The following GARRE1 variants were observed in gnomAD, a reference collection of about 807,000 sequenced individuals.
GARRE1 encodes the protein granule associated Rac and RHOG effector protein 1.
GARRE1 carries 49 observed loss-of-function variants against 103.2 expected under a neutral mutation model. The observed-to-expected ratio is 0.47, with a 90% CI of 0.38 to 0.60. The LOEUF (loss-of-function observed/expected upper bound fraction) is 0.60. GARRE1 is among the 20% of genes least tolerant of loss of function. GARRE1 has a pLI of 0.00. For missense variants in GARRE1, 1,199 were observed against 1,370.5 expected, an observed-to-expected ratio of 0.87 and a Z score of 1.98; for synonymous variants, 505 against 532.8, an observed-to-expected ratio of 0.95 and a Z score of 0.72.
At position 34,342,014 on chromosome 19, in the gene GARRE1, C is replaced by T. The variant is rs1599781258; in HGVS notation, c.2080C>T (p.Leu694=). ...AGCCATGCAACCACAGCAGCCGTCACTGCCTGTGCCCCCTCCACCACGGGC... is the reference window on the plus strand; with the variant it reads ...AGCCATGCAACCACAGCAGCCGTCATTGCCTGTGCCCCCTCCACCACGGGC... ...AGAMQPQQPS[L]PVPPPPRAPQ... Residue 694 remains leucine (L), a synonymous_variant, in exon 10 of 14, where the codon CTG becomes TTG. Transcript: ENST00000299505. 17 of 1,614,140 alleles carry T rather than the reference C, an allele frequency of 1.1e-5. No individual in the cohort carries two copies. The highest frequency in any genetic ancestry group is 1.4e-5 in the Non-Finnish European group (17 of 1,180,024).
At chr19:34,272,352 C>A (rs985875539) in intron 1 of GARRE1, among the ~76,000 whole-genome samples, 1 of 152,186 alleles carries the variant, frequency 6.6e-6, no homozygotes, top group South Asian at 2.1e-4. Flanking sequence ...GCGCCCACCA[C>A]CATGCCCGGC....
At chr19:34,277,865 A>G (rs1412498851) in intron 1 of GARRE1, among the ~76,000 whole-genome samples, 2 of 151,040 alleles carry the variant, frequency 1.3e-5, no homozygotes, top group African/African-American at 4.9e-5. Context: ...AAAAAAAACT[A>G]TATAAACAGG....
chr19:34,279,874 A>G (rs2073840692), intron 1 of GARRE1, among the ~76,000 whole-genome samples: 1 of 149,282 alleles, frequency 6.7e-6, no homozygotes, highest in South Asian at 2.1e-4. Flanking sequence ...AGTCCCAGCT[A>G]CTTGGGAGGC....
At chr19:34,343,738 T>C (rs1397131246) in intron 10 of GARRE1, among the ~76,000 whole-genome samples, 3 of 152,082 alleles carry the variant, frequency 2.0e-5, no homozygotes, top group Non-Finnish European at 2.9e-5. Context: ...TCCCAGCTCC[T>C]TGGGAGGCTG....
intron 2 of GARRE1, among the ~76,000 whole-genome samples, chr19:34,302,080 T>A (rs1445147141): frequency 7.6e-6 from 1 of 132,006 alleles, no homozygotes; most frequent in African/African-American, 2.8e-5. Context: ...AACCTCCACC[T>A]CCCGAGTTCA....
At chr19:34,266,453 C>T (rs757480269) in intron 1 of GARRE1, among the ~76,000 whole-genome samples, 62 of 152,320 alleles carry the variant, frequency 4.1e-4, no homozygotes, top group Non-Finnish European at 7.8e-4. Flanking sequence ...CCTCTATCTC[C>T]GGGGTTCAAG....
intron 1 of GARRE1, chr19:34,296,621 C>T: frequency 1.5e-6 from 2 of 1,298,622 alleles, no homozygotes; most frequent in East Asian, 2.3e-5. Flanking sequence ...GCATGTTCCT[C>T]AGGAACCTGG....
chr19:34,289,501 C>T (rs1169616921), intron 1 of GARRE1, among the ~76,000 whole-genome samples: 7 of 151,458 alleles, frequency 4.6e-5, no homozygotes, highest in South Asian at 2.1e-4. Context: ...CCGAGGTGGG[C>T]GGATCACAAG....
chr19:34,347,702 C>T (rs2074218457), intron 10 of GARRE1, among the ~76,000 whole-genome samples, 175 bp from the exon 11 acceptor site: 1 of 152,216 alleles, frequency 6.6e-6, no homozygotes, highest in Non-Finnish European at 1.5e-5. Context: ...CGGCAAGTCC[C>T]ATCTCCCCAC....
At chr19:34,350,740 C>T (rs983214996) in intron 12 of GARRE1, among the ~76,000 whole-genome samples, 2 of 152,082 alleles carry the variant, frequency 1.3e-5, no homozygotes, top group Non-Finnish European at 2.9e-5. Context: ...CACCACCATG[C>T]CCGGCTAATT....
chr19:34,319,506 G>A (rs375085608), intron 2 of GARRE1, among the ~76,000 whole-genome samples: 3 of 152,112 alleles, frequency 2.0e-5, no homozygotes, highest in African/African-American at 2.4e-5. Flanking sequence ...CAGATTTTTA[G>A]TTGCATGGTT....
At chr19:34,268,494 C>T (rs1412903005) in intron 1 of GARRE1, among the ~76,000 whole-genome samples, 1 of 152,000 alleles carries the variant, frequency 6.6e-6, no homozygotes, top group Non-Finnish European at 1.5e-5. Flanking sequence ...GTTTTGATGG[C>T]AGCAGGTTTT....
rs1341638819 is a variant in GARRE1, at chr19:34,354,375, A to T, written c.*1420A>T. ...ACAGATATAAGTAAATTTATATATA[A>T]AAATACCAAAAAGAGGCTGGGCGTG... On this transcript the variant is annotated 3_prime_UTR_variant, in exon 14 of 14. Transcript: ENST00000299505. 6.6e-6 allele frequency: 1 copy of T among 152,214 alleles called. No homozygotes were observed. The highest frequency in any genetic ancestry group is 1.5e-5 in the Non-Finnish European group (1 of 68,040). The allele number at this position is 152,214 out of a possible 1,614,324, so 9.4% of individuals were successfully genotyped here.
intron 1 of GARRE1, among the ~76,000 whole-genome samples, chr19:34,293,366 T>C (rs1162625468): frequency 6.6e-6 from 1 of 151,566 alleles, no homozygotes; most frequent in African/African-American, 2.4e-5. Flanking sequence ...TGATCCTCTC[T>C]CTCTTGATTC....
At chr19:34,350,370 A>C (rs2074230683) in intron 12 of GARRE1, among the ~76,000 whole-genome samples, 1 of 152,142 alleles carries the variant, frequency 6.6e-6, no homozygotes, top group African/African-American at 2.4e-5. Context: ...GTGGAGTTTG[A>C]GACTTTTCTT....
intron 8 of GARRE1, among the ~76,000 whole-genome samples, chr19:34,335,591 T>C (rs1240928801): frequency 1.3e-5 from 2 of 152,232 alleles, no homozygotes; most frequent in East Asian, 3.8e-4. Flanking sequence ...AGTGGCGCAA[T>C]CTCGGCTCAC....
At position 34,352,633 on chromosome 19, in the gene GARRE1, C is replaced by G. The variant is rs746595275; in HGVS notation, c.2905-14C>G. 1.2e-5 allele frequency: 20 copies of G among 1,601,578 alleles called. No individual in the cohort carries two copies. The highest frequency in any genetic ancestry group is 2.7e-5 in the African/African-American group (2 of 74,614). ...TGCCCGAAATGCCACTAAGAACTCTCTTTTGTTTCTCAGGATAACAAAACC... is the reference window on the plus strand; with the variant it reads ...TGCCCGAAATGCCACTAAGAACTCTGTTTTGTTTCTCAGGATAACAAAACC... On this transcript the variant is annotated splice_polypyrimidine_tract_variant and intron_variant, in intron 13 of 13. Coordinates refer to ENST00000299505, the MANE Select transcript of GARRE1 (RefSeq NM_014686.5).
chr19:34,342,195 G>A lies in GARRE1; in HGVS notation c.2261G>A (p.Gly754Glu), dbSNP rs753938801. 1.2e-6 allele frequency: 2 copies of A among 1,614,202 alleles called. No homozygotes were observed. The highest frequency in any genetic ancestry group is 1.1e-5 in the South Asian group (1 of 91,076). Residue 754 changes from glycine to glutamate, a missense_variant, in exon 10 of 14, where the codon GGG becomes GAG. Coordinates refer to ENST00000299505, the MANE Select transcript of GARRE1 (RefSeq NM_014686.5). ...CCCCCGCCCCAGCCTCGGGCACCTG[G>A]GAAATGGGTACATGGCTCATCCCAG... ...QQPPPQPRAP[G>E]KWVHGSSQQP...
At chr19:34,312,437 A>T (rs1183183935) in intron 2 of GARRE1, among the ~76,000 whole-genome samples, 1 of 152,194 alleles carries the variant, frequency 6.6e-6, no homozygotes, top group South Asian at 2.1e-4. Context: ...TACCTGCTCA[A>T]CAATAACTCC....
Sources: allele counts gnomAD v4.1 joint callset (sites outside exome capture counted in the v4.1 genomes callset), GRCh38; gene constraint gnomAD v4.1.1; transcripts MANE v1.5; gene names NCBI Gene and HGNC (gene_info 2026-07-23, HGNC 2026-07-21).